The following MECOM variants were observed in gnomAD, a reference collection of about 807,000 sequenced individuals.
The protein encoded by MECOM is MDS1 and EVI1 complex locus.
Under a neutral mutation model 116.3 loss-of-function variants are expected in MECOM, and 13 were observed. That is an observed-to-expected ratio of 0.11 (90% CI 0.07 to 0.18). The LOEUF is 0.18. Ranked by LOEUF, MECOM falls within the 10% of genes least tolerant of loss-of-function variation. MECOM has a pLI of 1.00. For synonymous variants in MECOM, 528 were observed against 535.2 expected, an observed-to-expected ratio of 0.99 and a Z score of 0.19; for missense variants, 1,299 against 1,509.0, an observed-to-expected ratio of 0.86 and a Z score of 2.31.
intron 1 of MECOM, chr3:169,470,264 G>A (rs902893046): frequency 6.6e-6 from 1 of 152,050 alleles, no homozygotes; most frequent in Admixed American, 6.6e-5. Context: ...AAAAGGCCAG[G>A]GGAAAAAATA....
At chr3:169,140,447 A>G (rs1330187510) in intron 3 of MECOM, among the ~76,000 whole-genome samples, 1 of 152,072 alleles carries the variant, frequency 6.6e-6, no homozygotes, top group Non-Finnish European at 1.5e-5. Context: ...ATAGAGGTAA[A>G]TTACTGTAGT....
intron 1 of MECOM, among the ~76,000 whole-genome samples, chr3:169,423,035 C>A (rs774038114): frequency 6.6e-6 from 1 of 151,880 alleles, no homozygotes; most frequent in Non-Finnish European, 1.5e-5. Context: ...CTTCCCAAAC[C>A]GTAATGTACA....
At chr3:169,143,950 T>G (rs1738922352) in intron 2 of MECOM, 118 bp from the exon 3 acceptor site, 8 of 1,211,370 alleles carry the variant, frequency 6.6e-6, no homozygotes, top group Non-Finnish European at 7.7e-6. Flanking sequence ...TTAAAAAAAG[T>G]CAGATCACAA....
chr3:169,120,148 T>C (rs1167425207), intron 7 of MECOM, among the ~76,000 whole-genome samples: 1 of 152,234 alleles, frequency 6.6e-6, no homozygotes, highest in Non-Finnish European at 1.5e-5. Context: ...AAAATCAGTC[T>C]TGACGTTTGT....
At chr3:169,106,944 T>C (rs1009183560) in intron 10 of MECOM, among the ~76,000 whole-genome samples, 1 of 152,136 alleles carries the variant, frequency 6.6e-6, no homozygotes, top group Non-Finnish European at 1.5e-5. Flanking sequence ...TGAAATAAAC[T>C]TAAACCTTAA....
Position 169,382,785 on chromosome 3 carries a change from C to G in MECOM, c.38-1261G>C, listed in dbSNP as rs117587359. On this transcript the variant is annotated intron_variant, in intron 1 of 16. Coordinates refer to ENST00000651503, the MANE Select transcript of MECOM (RefSeq NM_004991.4). ...GGAGGATTGCTTGAACTTGAGAAGG[C>G]TACAATGAGCTATGATTGTGTCACT... 2.0e-3 allele frequency among the ~76,000 whole-genome samples: 284 copies of G among 144,716 alleles called. 9 individuals are homozygous for G. In the East Asian group the frequency reaches 0.053, roughly 27 times the overall value. The allele number at this position is 144,716 out of a possible 152,430, so 94.9% of individuals were successfully genotyped here. A position where few individuals can be genotyped will look rare whatever the true frequency, so the allele number is the denominator to read the frequency against.
chr3:169,459,248 C>T (rs1278883471), intron 1 of MECOM, among the ~76,000 whole-genome samples: 2 of 152,186 alleles, frequency 1.3e-5, no homozygotes, highest in Non-Finnish European at 2.9e-5. Flanking sequence ...GTGTTTTGTG[C>T]AGTGAGGTTC....
intron 1 of MECOM, among the ~76,000 whole-genome samples, chr3:169,582,171 G>A (rs540562551): frequency 1.3e-5 from 2 of 152,152 alleles, no homozygotes; most frequent in Non-Finnish European, 2.9e-5. Context: ...TTTTTCTTAA[G>A]CGTTTCGTCA....
chr3:169,282,616 G>A (rs1001720556), intron 2 of MECOM, among the ~76,000 whole-genome samples: 2 of 152,098 alleles, frequency 1.3e-5, no homozygotes, highest in African/African-American at 4.8e-5. Context: ...GTGCCCAAAT[G>A]TGACCGACGC....
intron 1 of MECOM, among the ~76,000 whole-genome samples, chr3:169,442,613 G>T (rs1477293815): frequency 2.0e-5 from 3 of 152,100 alleles, no homozygotes; most frequent in African/African-American, 7.2e-5. Flanking sequence ...AGATTGTAGA[G>T]ACAATCACCA....
chr3:169,643,775 T>A (rs1306203844), intron 1 of MECOM, among the ~76,000 whole-genome samples: 1 of 152,176 alleles, frequency 6.6e-6, no homozygotes, highest in African/African-American at 2.4e-5. Context: ...TCCTATTTTA[T>A]CTCAATGGTA....
chr3:169,355,515 G>A (rs1202647719), intron 2 of MECOM, among the ~76,000 whole-genome samples: 1 of 151,670 alleles, frequency 6.6e-6, no homozygotes, highest in African/African-American at 2.4e-5. Flanking sequence ...TTTGACATGG[G>A]GTAAAAAACA....
intron 2 of MECOM, among the ~76,000 whole-genome samples, chr3:169,179,121 C>G (rs1745604805): frequency 1.3e-5 from 2 of 152,216 alleles, no homozygotes; most frequent in South Asian, 4.1e-4. Context: ...GAAATATTCA[C>G]TCTTTACAAA....
At chr3:169,452,453 T>C (rs1349447293) in intron 1 of MECOM, among the ~76,000 whole-genome samples, 1 of 152,220 alleles carries the variant, frequency 6.6e-6, no homozygotes, top group Non-Finnish European at 1.5e-5. Flanking sequence ...ATATTATGCA[T>C]CTTCCTTCAT....
chr3:169,339,000 C>T (rs897860935), intron 2 of MECOM, among the ~76,000 whole-genome samples: 2 of 151,902 alleles, frequency 1.3e-5, no homozygotes, highest in African/African-American at 4.8e-5. Flanking sequence ...AGAATTTAGG[C>T]CATTTTTCCA....
At chr3:169,523,018 A>G (rs747267040) in intron 1 of MECOM, among the ~76,000 whole-genome samples, 1 of 152,252 alleles carries the variant, frequency 6.6e-6, no homozygotes, top group Non-Finnish European at 1.5e-5. Context: ...GTATGACATC[A>G]TGTTATAGAT....
intron 1 of MECOM, among the ~76,000 whole-genome samples, chr3:169,479,858 C>T (rs182539967): frequency 3.9e-5 from 6 of 152,232 alleles, no homozygotes; most frequent in Admixed American, 3.9e-4. Flanking sequence ...AGGCACTGTG[C>T]CAGGCACCTT....
chr3:169,504,061 A>G lies in MECOM; in HGVS notation c.38-122537T>C, dbSNP rs184123801. On this transcript the variant is annotated intron_variant, in intron 1 of 16. Coordinates refer to ENST00000651503, the MANE Select transcript of MECOM (RefSeq NM_004991.4). ...TACTAATAGACTTGAACTGAAAACTATCTCTGAAAATAGATCAAAAGGCAC... is the reference window on the plus strand; with the variant it reads ...TACTAATAGACTTGAACTGAAAACTGTCTCTGAAAATAGATCAAAAGGCAC... Among the ~76,000 whole-genome samples, 147 of 152,108 alleles carry G rather than the reference A, an allele frequency of 9.7e-4. 1 individual carries two copies. Among genetic ancestry groups the G allele is most frequent in the Middle Eastern group, 3.4e-3 (1 of 294 alleles).
chr3:169,340,088 T>C (rs1016723417), intron 2 of MECOM, among the ~76,000 whole-genome samples: 12 of 152,356 alleles, frequency 7.9e-5, no homozygotes, highest in Non-Finnish European at 1.3e-4. Context: ...CCCACATTCT[T>C]ACATACATGC....
Sources: gnomAD v4.1 joint callset for allele counts (sites outside exome capture counted in the v4.1 genomes callset) on GRCh38, gnomAD v4.1.1 for gene constraint, MANE v1.5 for transcripts, NCBI Gene and HGNC (gene_info 2026-07-23, HGNC 2026-07-21) for gene names.